Variants in FOXJ3 observed in about 807,000 individuals in gnomAD.
FOXJ3 encodes forkhead box J3, also known as forkhead box protein J3.
A neutral mutation model predicts 76.1 loss-of-function variants in FOXJ3; 22 were observed. The observed-to-expected ratio is 0.29, with a 90% CI of 0.21 to 0.41. The LOEUF is 0.41. FOXJ3 is among the 10% of genes least tolerant of loss of function. The probability of loss-of-function intolerance (pLI) is 1.00; values close to 1 mark genes in which losing one functional copy is unlikely to be tolerated. For synonymous variants in FOXJ3, 269 were observed against 261.2 expected, an observed-to-expected ratio of 1.03 and a Z score of -0.29; for missense variants, 613 against 762.1, an observed-to-expected ratio of 0.80 and a Z score of 2.30.
In FOXJ3 at chr1:42,177,490, T is replaced by A. The variant is rs1050336065; in HGVS notation, c.*2220A>T. ...AGAAAACAGTGACTTAAGCAAACCATTGAAAATCACCCCTCTTTTTTCAAG... is the reference window on the plus strand; with the variant it reads ...AGAAAACAGTGACTTAAGCAAACCAATGAAAATCACCCCTCTTTTTTCAAG... On this transcript the variant is annotated 3_prime_UTR_variant, in exon 13 of 13. Transcript: ENST00000361346. 6.6e-6 allele frequency: 1 copy of A among 152,628 alleles called. No individual in the cohort carries two copies. The highest frequency in any genetic ancestry group is 2.4e-5 in the African/African-American group (1 of 41,448). The allele number at this position is 152,628 out of a possible 1,614,324, so 9.5% of individuals were successfully genotyped here.
chr1:42,225,926 T>C (rs1187235896), intron 5 of FOXJ3, among the ~76,000 whole-genome samples: 1 of 152,162 alleles, frequency 6.6e-6, no homozygotes, highest in African/African-American at 2.4e-5. Context: ...AAAGGCAAGC[T>C]TAATATCCAA....
At chr1:42,314,993 T>G (rs530993237) in intron 1 of FOXJ3, among the ~76,000 whole-genome samples, 1 of 152,362 alleles carries the variant, frequency 6.6e-6, no homozygotes, top group Admixed American at 6.5e-5. Context: ...ACAATGCAAC[T>G]TTATTCAGCC....
chr1:42,193,180 C>T (rs953799974), intron 8 of FOXJ3, among the ~76,000 whole-genome samples: 3 of 151,870 alleles, frequency 2.0e-5, no homozygotes, highest in Non-Finnish European at 4.4e-5. Context: ...GGGAAGGAAG[C>T]TTACTAGGTC....
At chr1:42,214,222 T>C (rs1470256137) in intron 5 of FOXJ3, among the ~76,000 whole-genome samples, 1 of 152,198 alleles carries the variant, frequency 6.6e-6, no homozygotes, top group African/African-American at 2.4e-5. Context: ...TCAGTTTCAA[T>C]AGAGAGAGTA....
chr1:42,226,656 C>G (rs1235682797), intron 5 of FOXJ3, among the ~76,000 whole-genome samples: 1 of 152,096 alleles, frequency 6.6e-6, no homozygotes, highest in Non-Finnish European at 1.5e-5. Flanking sequence ...ACCATGTCAC[C>G]AATACTAAAC....
At chr1:42,247,438 G>A (rs1649640105) in intron 4 of FOXJ3, among the ~76,000 whole-genome samples, 2 of 152,070 alleles carry the variant, frequency 1.3e-5, no homozygotes, top group Admixed American at 6.6e-5. Context: ...TGAGTTATAA[G>A]GGAGAAATAA....
chr1:42,184,727 T>C (rs1646399779), intron 11 of FOXJ3, among the ~76,000 whole-genome samples: 1 of 151,996 alleles, frequency 6.6e-6, no homozygotes, highest in Admixed American at 6.6e-5. Context: ...GACTGCTGAG[T>C]AGTGGTGCCA....
chr1:42,220,106 A>G (rs1031932350), intron 5 of FOXJ3, among the ~76,000 whole-genome samples: 29 of 152,220 alleles, frequency 1.9e-4, no homozygotes, highest in African/African-American at 5.5e-4. Flanking sequence ...AACACAGTAA[A>G]TATCTGAAAT....
In FOXJ3 at chr1:42,179,614, T is replaced by C; in HGVS notation, c.*96A>G. ...AATTTTGATAACATTGGTAAAGTGATTAGCAAGTTTGTTTTCTCAACTGGA... is the reference window on the plus strand; with the variant it reads ...AATTTTGATAACATTGGTAAAGTGACTAGCAAGTTTGTTTTCTCAACTGGA... On this transcript the variant is annotated 3_prime_UTR_variant, in exon 13 of 13. Transcript: ENST00000361346. 1.4e-6 allele frequency: 1 copy of C among 726,670 alleles called. No individual in the cohort carries two copies. The allele number at this position is 726,670 out of a possible 1,614,324, so 45.0% of individuals were successfully genotyped here. A position where few individuals can be genotyped will look rare whatever the true frequency, so the allele number is the denominator to read the frequency against.
intron 4 of FOXJ3, among the ~76,000 whole-genome samples, chr1:42,231,755 C>T (rs1648140891): frequency 6.6e-6 from 1 of 152,094 alleles, no homozygotes; most frequent in African/African-American, 2.4e-5. Context: ...TGATCCCGAG[C>T]CCCACAAGTA....
chr1:42,309,649 T>C (rs1158330864), intron 2 of FOXJ3, among the ~76,000 whole-genome samples: 1 of 152,220 alleles, frequency 6.6e-6, no homozygotes, highest in African/African-American at 2.4e-5. Flanking sequence ...TAGAATAGTA[T>C]CTGACAACAG....
intron 5 of FOXJ3, among the ~76,000 whole-genome samples, chr1:42,221,710 T>C (rs1647189654): frequency 6.6e-6 from 1 of 151,556 alleles, no homozygotes; most frequent in Admixed American, 6.6e-5. Context: ...CATGATCCAC[T>C]GCTAAAAAAC....
At chr1:42,237,662 C>T (rs949811792) in intron 4 of FOXJ3, among the ~76,000 whole-genome samples, 2 of 151,512 alleles carry the variant, frequency 1.3e-5, no homozygotes, top group Non-Finnish European at 2.9e-5. Flanking sequence ...TTTCATTTTA[C>T]GATATGTGCT....
At chr1:42,297,355 AAGG>A (rs1653854582) in intron 2 of FOXJ3, among the ~76,000 whole-genome samples, 1 of 152,174 alleles carries the variant, frequency 6.6e-6, no homozygotes, top group South Asian at 2.1e-4. Flanking sequence ...TCCTGTTCTT[AAGG>A]AGAATGTTTT....
intron 12 of FOXJ3, among the ~76,000 whole-genome samples, chr1:42,180,732 T>A (rs567451422): frequency 1.3e-5 from 2 of 152,238 alleles, no homozygotes; most frequent in South Asian, 4.1e-4. Flanking sequence ...AAAAAACTTA[T>A]AAGTTCCTTA....
rs532419852 is a variant in FOXJ3 at position 42,275,515 on chromosome 1, C to G, written c.369+2833G>C. On this transcript the variant is annotated intron_variant, in intron 3 of 12. Transcript: ENST00000361346. The stretch of plus-strand genomic sequence containing the variant: ...CCAGTCCAGGCAACATAGCAAGACC[C>G]TAAAAATTAGCCAGGTGGGCATAGC... Among the ~76,000 whole-genome samples, 4 of 152,096 alleles carry G rather than the reference C, an allele frequency of 2.6e-5. 1 individual carries two copies. Among genetic ancestry groups the G allele is most frequent in the African/African-American group, 9.6e-5 (4 of 41,486 alleles).
intron 2 of FOXJ3, among the ~76,000 whole-genome samples, chr1:42,285,262 C>T (rs1652978509): frequency 1.3e-5 from 2 of 151,494 alleles, no homozygotes; most frequent in African/African-American, 4.8e-5. Context: ...CTGATGCCCT[C>T]CCTCCCCCTA....
chr1:42,330,830 G>A (rs1015042579), intron 1 of FOXJ3, among the ~76,000 whole-genome samples: 1 of 152,240 alleles, frequency 6.6e-6, no homozygotes, highest in African/African-American at 2.4e-5. Flanking sequence ...CCCTAAGCAG[G>A]TCACCTAAAC....
intron 2 of FOXJ3, 119 bp from the exon 3 acceptor site, chr1:42,278,791 G>T: frequency 1.5e-6 from 1 of 680,316 alleles, no homozygotes; most frequent in Non-Finnish European, 2.5e-6. Flanking sequence ...ACATCTGGAG[G>T]AAAAAGATTG....
Sources: gnomAD v4.1 joint callset for allele counts (sites outside exome capture counted in the v4.1 genomes callset) on GRCh38, gnomAD v4.1.1 for gene constraint, MANE v1.5 for transcripts, NCBI Gene and HGNC (gene_info 2026-07-23, HGNC 2026-07-21) for gene names.